The following GRIA1 variants were observed in gnomAD, a reference collection of about 807,000 sequenced individuals.
GRIA1 encodes glutamate ionotropic receptor AMPA type subunit 1, also known as glutamate receptor 1.
A neutral mutation model predicts 99.2 loss-of-function variants in GRIA1; 31 were observed. The observed-to-expected ratio is 0.31, with a 90% CI of 0.23 to 0.42. The LOEUF is 0.42. Ranked by LOEUF, GRIA1 falls within the 10% of genes least tolerant of loss-of-function variation. The probability of loss-of-function intolerance (pLI) is 1.00; values close to 1 mark genes in which losing one functional copy is unlikely to be tolerated. For synonymous variants in GRIA1, 438 were observed against 432.4 expected, an observed-to-expected ratio of 1.01 and a Z score of -0.16; for missense variants, 782 against 1,157.5, an observed-to-expected ratio of 0.68 and a Z score of 4.71.
At chr5:153,796,344 T>C (rs1581671571) in intron 14 of GRIA1, among the ~76,000 whole-genome samples, 1 of 152,184 alleles carries the variant, frequency 6.6e-6, no homozygotes, top group Non-Finnish European at 1.5e-5. Context: ...ACTATCTTCA[T>C]TACTACTTTA....
At chr5:153,526,754 A>C (rs1244930045) in intron 2 of GRIA1, among the ~76,000 whole-genome samples, 2 of 152,328 alleles carry the variant, frequency 1.3e-5, no homozygotes, top group East Asian at 3.9e-4. Flanking sequence ...CTGAAACACA[A>C]AGAGGGTGAA....
intron 11 of GRIA1, among the ~76,000 whole-genome samples, chr5:153,759,842 T>C (rs1467296129): frequency 1.3e-5 from 2 of 152,132 alleles, no homozygotes. Flanking sequence ...AAAAAGATCA[T>C]GCACCATAAT....
intron 11 of GRIA1, among the ~76,000 whole-genome samples, chr5:153,748,706 A>C (rs1762316738): frequency 6.6e-6 from 1 of 152,116 alleles, no homozygotes; most frequent in Admixed American, 6.6e-5. Flanking sequence ...GGGTGAGGGA[A>C]AGAGACAAGT....
chr5:153,749,828 G>A (rs1762395870), intron 11 of GRIA1, among the ~76,000 whole-genome samples: 1 of 151,920 alleles, frequency 6.6e-6, no homozygotes, highest in South Asian at 2.1e-4. Context: ...CACTCCCATA[G>A]CCTACCTAAC....
intron 2 of GRIA1, among the ~76,000 whole-genome samples, chr5:153,528,630 A>G (rs1757823514): frequency 6.6e-6 from 1 of 152,190 alleles, no homozygotes; most frequent in Non-Finnish European, 1.5e-5. Flanking sequence ...TCACTGAGCT[A>G]AATGTTTCTT....
chr5:153,655,308 G>T (rs779486129), intron 4 of GRIA1, among the ~76,000 whole-genome samples: 2 of 152,188 alleles, frequency 1.3e-5, no homozygotes, highest in Non-Finnish European at 2.9e-5. Context: ...TATGGTTCAT[G>T]CAAGGAATTG....
intron 13 of GRIA1, among the ~76,000 whole-genome samples, chr5:153,783,980 A>C (rs976909958): frequency 6.6e-6 from 1 of 152,208 alleles, no homozygotes; most frequent in Non-Finnish European, 1.5e-5. Flanking sequence ...TAGGTAGTAC[A>C]TGTGCCAATG....
At chr5:153,606,641 T>C (rs531355416) in intron 2 of GRIA1, among the ~76,000 whole-genome samples, 54 of 152,156 alleles carry the variant, frequency 3.5e-4, no homozygotes, top group South Asian at 1.0e-3. Context: ...CAATGTTTTT[T>C]GATATTATAA....
At chr5:153,753,593 A>C (rs1762630111) in intron 11 of GRIA1, among the ~76,000 whole-genome samples, 2 of 152,124 alleles carry the variant, frequency 1.3e-5, no homozygotes, top group African/African-American at 2.4e-5. Flanking sequence ...CTTATCTCCA[A>C]GATCAGAATA....
intron 2 of GRIA1, among the ~76,000 whole-genome samples, chr5:153,636,258 A>G (rs1581377171): frequency 6.6e-6 from 1 of 152,302 alleles, no homozygotes; most frequent in Middle Eastern, 3.4e-3. Context: ...AGTATTCACA[A>G]CAGAAAATGA....
chr5:153,648,869 C>A (rs1260389641), intron 3 of GRIA1, among the ~76,000 whole-genome samples: 3 of 150,370 alleles, frequency 2.0e-5, no homozygotes, highest in Non-Finnish European at 3.0e-5. Context: ...GTTGCAATCG[C>A]TAGAACCTGC....
intron 2 of GRIA1, among the ~76,000 whole-genome samples, chr5:153,622,130 G>A (rs1014295830): frequency 2.0e-5 from 3 of 152,100 alleles, no homozygotes; most frequent in Non-Finnish European, 4.4e-5. Context: ...GAAAATTCTC[G>A]AGCCCCATCC....
intron 2 of GRIA1, among the ~76,000 whole-genome samples, chr5:153,529,370 A>C (rs1246350965): frequency 1.3e-5 from 2 of 152,184 alleles, no homozygotes; most frequent in Non-Finnish European, 2.9e-5. Context: ...TCAGGTTCAC[A>C]TCTTTGGCCC....
chr5:153,572,071 C>G (rs1259474369), intron 2 of GRIA1, among the ~76,000 whole-genome samples: 3 of 152,332 alleles, frequency 2.0e-5, no homozygotes, highest in Admixed American at 6.5e-5. Context: ...TAGTGGTTGT[C>G]TAATATATTT....
intron 11 of GRIA1, among the ~76,000 whole-genome samples, chr5:153,715,697 C>T (rs1164630054): frequency 6.6e-6 from 1 of 152,130 alleles, no homozygotes. Flanking sequence ...TCTCTGAGGG[C>T]ATCTTAAATC....
At chr5:153,801,161 T>G (rs1289690877) in intron 14 of GRIA1, among the ~76,000 whole-genome samples, 3 of 152,264 alleles carry the variant, frequency 2.0e-5, no homozygotes, top group Non-Finnish European at 2.9e-5. Flanking sequence ...AGCCATTACC[T>G]CTCACCATGA....
chr5:153,556,051 A>G (rs1047669315), intron 2 of GRIA1, among the ~76,000 whole-genome samples: 7 of 152,212 alleles, frequency 4.6e-5, no homozygotes, highest in Non-Finnish European at 1.0e-4. Context: ...TGGGACACTT[A>G]GGTATCATTG....
Position 153,588,486 on chromosome 5 carries a change from C to T in GRIA1, c.221-58442C>T, listed in dbSNP as rs559775263. Among the ~76,000 whole-genome samples the T allele has an allele frequency of 5.3e-5, 8 of 152,360 alleles. No individual in the cohort carries two copies. In the South Asian group the frequency reaches 1.7e-3, roughly 32 times the overall value. On this transcript the variant is annotated intron_variant, in intron 2 of 15. Coordinates refer to ENST00000285900, the MANE Select transcript of GRIA1 (RefSeq NM_000827.4). ...CTAAACTTTCAGCTGTCACTTCCCA[C>T]TGTTGGGAAACCATATAACATGATG...
intron 2 of GRIA1, among the ~76,000 whole-genome samples, chr5:153,601,817 G>C (rs1040712021): frequency 6.6e-6 from 1 of 152,200 alleles, no homozygotes; most frequent in Non-Finnish European, 1.5e-5. Flanking sequence ...CAATTATGCT[G>C]TACAGAATTA....
Sources: gnomAD v4.1 joint callset for allele counts (sites outside exome capture counted in the v4.1 genomes callset) on GRCh38, gnomAD v4.1.1 for gene constraint, MANE v1.5 for transcripts, NCBI Gene and HGNC (gene_info 2026-07-23, HGNC 2026-07-21) for gene names.